Variants in VAPB observed in about 807,000 individuals in gnomAD.
VAPB encodes the protein vesicle-associated membrane protein-associated protein B/C.
In VAPB, 7 loss-of-function variants were observed where a neutral mutation model predicts 25.6. The ratio of observed to expected loss-of-function variants is 0.27; its 90% confidence interval spans 0.16 to 0.51. The LOEUF is 0.51. Ranked by LOEUF, VAPB falls within the 20% of genes least tolerant of loss-of-function variation. The pLI, the probability that VAPB is intolerant of heterozygous loss-of-function variation, is 0.97. For synonymous variants in VAPB, 112 were observed against 109.2 expected (o/e 1.03, Z -0.16); for missense variants, 266 against 301.3 (o/e 0.88, Z 0.87).
At chr20:58,441,486 C>G (rs1359042678) in intron 5 of VAPB, among the ~76,000 whole-genome samples, 2 of 152,062 alleles carry the variant, frequency 1.3e-5, no homozygotes, top group Admixed American at 6.5e-5. Context: ...ATAAAAAATA[C>G]AAAAAATTAG....
chr20:58,435,811 A>ATG (rs1989032275), intron 3 of VAPB, among the ~76,000 whole-genome samples: 2 of 152,214 alleles, frequency 1.3e-5, no homozygotes, highest in South Asian at 4.1e-4. Context: ...TTTCTGCAAC[A>ATG]TGATGTGTTA....
chr20:58,422,163 T>C (rs1485980494), intron 2 of VAPB, among the ~76,000 whole-genome samples: 2 of 152,156 alleles, frequency 1.3e-5, no homozygotes, highest in Admixed American at 6.5e-5. Context: ...GTCCTTTACA[T>C]GGGTGCTCGT....
intron 2 of VAPB, among the ~76,000 whole-genome samples, chr20:58,431,850 T>G (rs1988936531): frequency 6.6e-6 from 1 of 152,178 alleles, no homozygotes; most frequent in African/African-American, 2.4e-5. Flanking sequence ...TGAGCCACCA[T>G]GCCTGGCAGC....
rs1050314370 is a variant in VAPB, at chr20:58,448,934, A to G, written c.*4699A>G. On this transcript the variant is annotated 3_prime_UTR_variant, in exon 6 of 6. Transcript: ENST00000475243. Reference sequence around the variant, plus strand: ...TATATGGAGGCTTTACATGACTTGTAAATTAAATGTGAATGAGGGCAGTTG... The same window carrying G: ...TATATGGAGGCTTTACATGACTTGTGAATTAAATGTGAATGAGGGCAGTTG... The G allele has an allele frequency of 2.2e-5, 10 of 454,004 alleles. No homozygotes were observed. The highest frequency in any genetic ancestry group is 1.9e-4 in the Admixed American group (8 of 42,558). 28.1% of individuals were successfully genotyped at this position (454,004 alleles called of 1,614,324 possible).
intron 1 of VAPB, chr20:58,390,243 A>C (rs1374633781): frequency 6.6e-6 from 1 of 152,246 alleles, no homozygotes; most frequent in Non-Finnish European, 1.5e-5. Context: ...GGAGGCTGCC[A>C]CGGTGCTGGG....
rs1265554559 is a variant in VAPB, at chr20:58,450,923, T to A, written c.*6688T>A. ...ATTCATGGCTTGGCAGCTGACATGA[T>A]GTTTCCCAGAGAGAAGGAGATGTAT... On this transcript the variant is annotated 3_prime_UTR_variant, in exon 6 of 6. Transcript: ENST00000475243. The A allele has an allele frequency of 6.6e-6, 3 of 454,024 alleles. No homozygotes were observed. Among genetic ancestry groups the A allele is most frequent in the Non-Finnish European group, 1.3e-5 (3 of 226,810 alleles). The allele number at this position is 454,024 out of a possible 1,614,324, so 28.1% of individuals were successfully genotyped here.
intron 1 of VAPB, among the ~76,000 whole-genome samples, chr20:58,398,119 A>G (rs1171581360): frequency 2.0e-5 from 3 of 152,268 alleles, no homozygotes; most frequent in Non-Finnish European, 4.4e-5. Context: ...TACCTTAAAC[A>G]TACTCAGAAC....
At chr20:58,417,647 T>C (rs1479138538) in intron 1 of VAPB, among the ~76,000 whole-genome samples, 1 of 152,244 alleles carries the variant, frequency 6.6e-6, no homozygotes, top group Non-Finnish European at 1.5e-5. Context: ...CTAAGTTTTC[T>C]GTAGCAACAC....
intron 2 of VAPB, among the ~76,000 whole-genome samples, chr20:58,425,349 G>T (rs1368351028): frequency 6.6e-6 from 1 of 152,210 alleles, no homozygotes; most frequent in African/African-American, 2.4e-5. Context: ...CAGCTGGTGG[G>T]GGTAAAGAAG....
intron 1 of VAPB, among the ~76,000 whole-genome samples, chr20:58,402,640 G>A (rs1483741253): frequency 6.6e-6 from 1 of 150,862 alleles, no homozygotes; most frequent in Non-Finnish European, 1.5e-5. Flanking sequence ...CATGGTGCAT[G>A]GCAGTTTCTC....
chr20:58,401,167 CT>C (rs1568699634), intron 1 of VAPB, among the ~76,000 whole-genome samples: 1 of 152,120 alleles, frequency 6.6e-6, no homozygotes, highest in African/African-American at 2.4e-5. Context: ...AAAATGAATG[CT>C]TTTGTTGCCT....
chr20:58,392,353 A>G (rs2123011869), intron 1 of VAPB, among the ~76,000 whole-genome samples: 2 of 152,340 alleles, frequency 1.3e-5, no homozygotes, highest in South Asian at 4.1e-4. Context: ...CTGGCCCTGG[A>G]TTGGCCAAAG....
intron 1 of VAPB, among the ~76,000 whole-genome samples, chr20:58,409,196 A>G (rs1988313192): frequency 6.6e-6 from 1 of 151,860 alleles, no homozygotes; most frequent in Admixed American, 6.6e-5. Context: ...GAGGGACAAA[A>G]AAGTCTGTGT....
intron 1 of VAPB, among the ~76,000 whole-genome samples, chr20:58,414,704 G>C (rs1159559580): frequency 1.3e-5 from 2 of 151,982 alleles, no homozygotes; most frequent in Non-Finnish European, 2.9e-5. Flanking sequence ...TCCTAGATGG[G>C]ATGGCGGCCG....
In VAPB at chr20:58,450,455, C is replaced by T. The variant is rs755927822; in HGVS notation, c.*6220C>T. On this transcript the variant is annotated 3_prime_UTR_variant, in exon 6 of 6. Transcript: ENST00000475243. ...AGTAAGGTGACTCAAGATGATACAC[C>T]GAGAGAAAAATGCAAAATATATTTG... 8.8e-6 allele frequency: 4 copies of T among 453,712 alleles called. No homozygotes were observed. Among genetic ancestry groups the T allele is most frequent in the African/African-American group, 2.0e-5 (1 of 49,888 alleles). 28.1% of individuals were successfully genotyped at this position (453,712 alleles called of 1,614,324 possible).
chr20:58,389,775 C>G (rs967613484), intron 1 of VAPB, among the ~76,000 whole-genome samples: 1 of 152,180 alleles, frequency 6.6e-6, no homozygotes, highest in Non-Finnish European at 1.5e-5. Context: ...GACTTGCCTT[C>G]GAGGCACTTG....
At chr20:58,407,559 C>T (rs898857286) in intron 1 of VAPB, among the ~76,000 whole-genome samples, 1 of 152,008 alleles carries the variant, frequency 6.6e-6, no homozygotes, top group African/African-American at 2.4e-5. Flanking sequence ...TGTTAGAAGA[C>T]TCGTTTTAAA....
rs1301646513 is a variant in VAPB at position 58,447,118 on chromosome 20, CAGAG to C, written c.*2886_*2889del. ...TGTGGTTACTGGCTCCACAGCACCT[CAGAG>C]AGGGCGGCCCTGGCTTCAGAAATGC... On this transcript the variant is annotated 3_prime_UTR_variant, in exon 6 of 6. Coordinates refer to ENST00000475243, the MANE Select transcript of VAPB (RefSeq NM_004738.5). 6.6e-6 allele frequency: 3 copies of C among 454,104 alleles called. No individual in the cohort carries two copies. The highest frequency in any genetic ancestry group is 1.3e-5 in the Non-Finnish European group (3 of 226,788). The allele number at this position is 454,104 out of a possible 1,614,324, so 28.1% of individuals were successfully genotyped here.
In VAPB at chr20:58,444,909, A is replaced by T. The variant is rs1471494414; in HGVS notation, c.*674A>T. 2.2e-6 allele frequency: 1 copy of T among 454,476 alleles called. No individual in the cohort carries two copies. The highest frequency in any genetic ancestry group is 6.9e-5 in the East Asian group (1 of 14,416). 28.2% of individuals were successfully genotyped at this position (454,476 alleles called of 1,614,324 possible). The stretch of plus-strand genomic sequence containing the variant: ...TAAATTTGTATTGGTTCATGTAGTG[A>T]AGTCAAACTGTTATTCAGAGATGTT... On this transcript the variant is annotated 3_prime_UTR_variant, in exon 6 of 6. Coordinates refer to ENST00000475243, the MANE Select transcript of VAPB (RefSeq NM_004738.5).
Sources: gnomAD v4.1 joint callset for allele counts (sites outside exome capture counted in the v4.1 genomes callset) on GRCh38, gnomAD v4.1.1 for gene constraint, MANE v1.5 for transcripts, NCBI Gene and HGNC (gene_info 2026-07-23, HGNC 2026-07-21) for gene names.